Variants in PCDHA10 observed in about 807,000 individuals in gnomAD.
The protein encoded by PCDHA10 is protocadherin alpha 10.
Under a neutral mutation model 61.2 loss-of-function variants are expected in PCDHA10, and 45 were observed. That is an observed-to-expected ratio of 0.74 (90% CI 0.58 to 0.94). PCDHA10 has a LOEUF of 0.94. Among genes scored for constraint, PCDHA10 ranks in the 40% least tolerant of loss-of-function variants. The pLI is 0.00. For missense variants in PCDHA10, 1,278 were observed against 1,236.2 expected, an observed-to-expected ratio of 1.03 and a Z score of -0.51; for synonymous variants, 602 against 548.8, an observed-to-expected ratio of 1.10 and a Z score of -1.35.
At chr5:140,862,877 G>A (rs782429840) in intron 1 of PCDHA10, 3 of 567,440 alleles carry the variant, frequency 5.3e-6, no homozygotes, top group African/African-American at 3.8e-5. Context: ...CCAGGTATTA[G>A]TGCTGGAACG....
At chr5:140,920,749 C>T (rs145619239) in intron 1 of PCDHA10, among the ~76,000 whole-genome samples, 2 of 151,424 alleles carry the variant, frequency 1.3e-5, no homozygotes, top group Non-Finnish European at 2.9e-5. Context: ...GAGGCTGAGG[C>T]AGGAGAATTG....
chr5:140,976,798 A>G (rs571590033), intron 1 of PCDHA10, among the ~76,000 whole-genome samples: 169 of 152,368 alleles, frequency 1.1e-3, no homozygotes, highest in Admixed American at 1.8e-3. Context: ...GCTTTTATGA[A>G]TATCTGAAGA....
chr5:140,925,762 T>G (rs1172229426), intron 1 of PCDHA10, among the ~76,000 whole-genome samples: 3 of 152,052 alleles, frequency 2.0e-5, no homozygotes, highest in African/African-American at 7.2e-5. Flanking sequence ...ACAGAGTAGT[T>G]TCCTGGTCAA....
At chr5:140,884,433 G>C in intron 1 of PCDHA10, 1 of 1,613,908 alleles carries the variant, frequency 6.2e-7, no homozygotes, top group Non-Finnish European at 8.5e-7. Context: ...ACTGCGCTGC[G>C]GTGCTCGGCA....
chr5:140,900,167 T>C (rs756471243), intron 1 of PCDHA10, among the ~76,000 whole-genome samples: 1 of 152,238 alleles, frequency 6.6e-6, no homozygotes, highest in Non-Finnish European at 1.5e-5. Context: ...TGTCTTTCTG[T>C]GCCTGGTTTA....
At chr5:140,944,907 T>A (rs246063) in intron 1 of PCDHA10, among the ~76,000 whole-genome samples, 85,748 of 151,952 alleles carry the variant, frequency 0.56, 24,800 homozygotes, top group African/African-American at 0.69. Flanking sequence ...TTCCACAAAC[T>A]TCTCTTTATA....
chr5:140,883,771 G>A (rs782418376), intron 1 of PCDHA10: 11 of 1,612,346 alleles, frequency 6.8e-6, no homozygotes, highest in African/African-American at 1.3e-5. Context: ...GGGTGGGCGA[G>A]CGTGCGCTGT....
chr5:140,948,517 C>A (rs2094265494), intron 1 of PCDHA10, among the ~76,000 whole-genome samples: 1 of 151,496 alleles, frequency 6.6e-6, no homozygotes. Flanking sequence ...AAAATGTTAA[C>A]ACTATTTATA....
intron 1 of PCDHA10, chr5:140,928,776 T>C (rs2085518837): frequency 6.2e-7 from 1 of 1,614,044 alleles, no homozygotes; most frequent in East Asian, 2.2e-5. Flanking sequence ...TTCCCACTGA[T>C]GCAGTTAAGC....
chr5:141,003,343 GCT>G (rs1554259027), intron 3 of PCDHA10, among the ~76,000 whole-genome samples: 1 of 152,198 alleles, frequency 6.6e-6, no homozygotes, highest in Non-Finnish European at 1.5e-5. Context: ...TTGTTTGTTT[GCT>G]CTGTCACCCA....
Position 141,002,363 on chromosome 5 carries a change from A to G in PCDHA10, c.2537-7264A>G, listed in dbSNP as rs75749580. On this transcript the variant is annotated intron_variant, in intron 3 of 3. Transcript: ENST00000307360. ...CCTTCCCCCACCTCCACTCCTTTCAACTCATTCTGGCTTAGGGCTCCTGCT... is the reference window on the plus strand; with the variant it reads ...CCTTCCCCCACCTCCACTCCTTTCAGCTCATTCTGGCTTAGGGCTCCTGCT... Among the ~76,000 whole-genome samples, 567 of 152,272 alleles carry G rather than the reference A, an allele frequency of 3.7e-3. 5 individuals are homozygous for G. Among genetic ancestry groups the G allele is most frequent in the African/African-American group, 0.013 (537 of 41,558 alleles).
intron 3 of PCDHA10, among the ~76,000 whole-genome samples, chr5:141,008,840 T>C (rs2098392722): frequency 6.6e-6 from 1 of 152,188 alleles, no homozygotes; most frequent in African/African-American, 2.4e-5. Context: ...CCTCTTACGC[T>C]GTGTATTCCC....
chr5:140,893,753 A>G (rs1007226278), intron 1 of PCDHA10, among the ~76,000 whole-genome samples: 3 of 152,106 alleles, frequency 2.0e-5, no homozygotes, highest in South Asian at 2.1e-4. Context: ...GAATTTTCTT[A>G]TAGGTGACTT....
At chr5:140,996,831 T>C (rs1196344709) in intron 3 of PCDHA10, among the ~76,000 whole-genome samples, 1 of 152,204 alleles carries the variant, frequency 6.6e-6, no homozygotes, top group Non-Finnish European at 1.5e-5. Flanking sequence ...CTACCAATAA[T>C]TTAGCGTGCA....
chr5:140,966,850 CCTGCTGCTGTTG>C (rs1409933796), intron 1 of PCDHA10: 1 of 1,572,784 alleles, frequency 6.4e-7, no homozygotes, highest in Non-Finnish European at 8.6e-7. Context: ...TACTGCCTCT[CCTGCTGCTGTTG>C]CTGCTGCTGC....
intron 1 of PCDHA10, chr5:140,869,288 G>T (rs950790626): frequency 6.2e-7 from 1 of 1,613,578 alleles, no homozygotes; most frequent in East Asian, 2.2e-5. Context: ...CTGGTGCAGC[G>T]CCTGTTCCGG....
intron 1 of PCDHA10, among the ~76,000 whole-genome samples, chr5:140,973,426 C>T (rs1554235288): frequency 6.6e-6 from 1 of 152,192 alleles, no homozygotes; most frequent in East Asian, 1.9e-4. Flanking sequence ...GTTTTTCATC[C>T]TCTGATGGTC....
In PCDHA10 at chr5:140,858,436, G is replaced by A. The variant is rs781811192; in HGVS notation, c.2388G>A (p.Lys796=). 9 of 1,542,522 alleles carry A rather than the reference G, an allele frequency of 5.8e-6. 1 individual carries two copies. In the South Asian group the frequency reaches 1.1e-4, roughly 18 times the overall value. ...CTATTGGAGGGGACCACTCTAGGAA[G>A]GTGGGTTATTACGTTTTCATTTTCC... ...DQSIGGDHSR[K]PRQPNPDWRY... The change falls in exon 1 of 4, where the codon AAG becomes AAA. Residue 796 remains lysine, a splice_region_variant and synonymous_variant. Coordinates refer to ENST00000307360, the MANE Select transcript of PCDHA10 (RefSeq NM_018901.4).
At chr5:140,968,609 G>C (rs1554230915) in intron 1 of PCDHA10, 1 of 1,614,194 alleles carries the variant, frequency 6.2e-7, no homozygotes, top group Admixed American at 1.7e-5. Context: ...CTCAGACTCT[G>C]GGCAAAATGC....
Sources: gnomAD v4.1 joint callset for allele counts (sites outside exome capture counted in the v4.1 genomes callset) on GRCh38, gnomAD v4.1.1 for gene constraint, MANE v1.5 for transcripts, NCBI Gene and HGNC (gene_info 2026-07-23, HGNC 2026-07-21) for gene names.